Variants in SLC25A13 observed in about 807,000 individuals in gnomAD.
SLC25A13 encodes electrogenic aspartate/glutamate antiporter SLC25A13, mitochondrial.
SLC25A13 carries 70 observed loss-of-function variants against 85.5 expected under a neutral mutation model. That is an observed-to-expected ratio of 0.82 (90% CI 0.68 to 1.00). SLC25A13 has a LOEUF of 1.00. Ranked by LOEUF, SLC25A13 falls within the 50% of genes least tolerant of loss-of-function variation. SLC25A13 has a pLI of 0.00. For missense variants in SLC25A13, 765 were observed against 819.8 expected (o/e 0.93, Z 0.82); for synonymous variants, 259 against 288.7 (o/e 0.90, Z 1.04).
chr7:96,188,919 C>T (rs544136237), intron 9 of SLC25A13, among the ~76,000 whole-genome samples: 4 of 152,304 alleles, frequency 2.6e-5, no homozygotes, highest in South Asian at 2.1e-4. Context: ...AGAGCAAAGA[C>T]GGCTTTCATT....
At chr7:96,163,949 AG>A (rs1793631178) in intron 13 of SLC25A13, among the ~76,000 whole-genome samples, 1 of 152,188 alleles carries the variant, frequency 6.6e-6, no homozygotes, top group Non-Finnish European at 1.5e-5. Flanking sequence ...CCAGAAGAGG[AG>A]GAAGACTAGT....
chr7:96,132,817 A>G (rs932137556), intron 14 of SLC25A13, among the ~76,000 whole-genome samples: 1 of 152,202 alleles, frequency 6.6e-6, no homozygotes, highest in Non-Finnish European at 1.5e-5. Context: ...CAACAGATCT[A>G]GCCACACCCA....
At position 96,210,128 on chromosome 7, in the gene SLC25A13, G is replaced by A. The variant is rs530201099; in HGVS notation, c.329-1151C>T. ...AGTTTCCAGAAATTTTTAAAGCCTT[G>A]TCATGAAGAAACAGTAGTGCCACCA... On this transcript the variant is annotated intron_variant, in intron 4 of 17. Coordinates refer to ENST00000265631, the MANE Select transcript of SLC25A13 (RefSeq NM_014251.3). Among the ~76,000 whole-genome samples, 19 of 152,110 alleles carry A rather than the reference G, an allele frequency of 1.2e-4. No homozygotes were observed. In the South Asian group the frequency reaches 3.7e-3, roughly 30 times the overall value.
chr7:96,235,866 A>G (rs1324644450), intron 3 of SLC25A13, among the ~76,000 whole-genome samples: 1 of 152,242 alleles, frequency 6.6e-6, no homozygotes, highest in African/African-American at 2.4e-5. Flanking sequence ...ATGAGAGGCC[A>G]AGGACGTTTT....
At chr7:96,297,854 T>C (rs1343106555) in intron 1 of SLC25A13, among the ~76,000 whole-genome samples, 1 of 152,230 alleles carries the variant, frequency 6.6e-6, no homozygotes, top group Admixed American at 6.5e-5. Flanking sequence ...GCTGTGGTTA[T>C]CTTTGAAGAG....
intron 2 of SLC25A13, among the ~76,000 whole-genome samples, chr7:96,282,025 T>C (rs994527325): frequency 2.0e-5 from 3 of 152,170 alleles, no homozygotes; most frequent in Non-Finnish European, 2.9e-5. Context: ...TATATCCTTA[T>C]ATCCACCACA....
intron 2 of SLC25A13, among the ~76,000 whole-genome samples, chr7:96,291,438 C>A (rs529072315): frequency 6.6e-5 from 10 of 152,092 alleles, no homozygotes; most frequent in African/African-American, 2.4e-4. Context: ...CAGAGCAGAA[C>A]TGAAGGAGAT....
intron 13 of SLC25A13, among the ~76,000 whole-genome samples, chr7:96,160,146 T>C (rs1449528171): frequency 6.6e-6 from 1 of 152,226 alleles, no homozygotes. Context: ...GGCCCAGTCT[T>C]TCTTCAGATT....
chr7:96,201,735 T>C (rs1038238970), intron 5 of SLC25A13, among the ~76,000 whole-genome samples: 2 of 152,150 alleles, frequency 1.3e-5, no homozygotes, highest in African/African-American at 4.8e-5. Context: ...ATTCTAAAGC[T>C]AGAAAATTTG....
At chr7:96,250,897 A>C (rs182717069) in intron 3 of SLC25A13, among the ~76,000 whole-genome samples, 1 of 152,302 alleles carries the variant, frequency 6.6e-6, no homozygotes, top group African/African-American at 2.4e-5. Context: ...ATGGAACATT[A>C]TGTGTTCAAT....
chr7:96,190,573 G>A (rs1438881273), intron 7 of SLC25A13, among the ~76,000 whole-genome samples: 3 of 151,898 alleles, frequency 2.0e-5, no homozygotes, highest in African/African-American at 7.3e-5. Flanking sequence ...AACTTTACAT[G>A]TTTTCCTTAT....
chr7:96,187,569 T>C (rs996570054), intron 9 of SLC25A13, among the ~76,000 whole-genome samples: 3 of 152,158 alleles, frequency 2.0e-5, no homozygotes, highest in East Asian at 1.9e-4. Context: ...CTTAGAAATG[T>C]TCTGGCATCA....
chr7:96,172,162 C>T (rs970502196), intron 11 of SLC25A13, among the ~76,000 whole-genome samples: 4 of 152,204 alleles, frequency 2.6e-5, no homozygotes, highest in Non-Finnish European at 5.9e-5. Flanking sequence ...CCTAAAGGAG[C>T]AGCCTGAGAG....
At chr7:96,199,162 G>A (rs1361872850) in intron 5 of SLC25A13, among the ~76,000 whole-genome samples, 1 of 152,162 alleles carries the variant, frequency 6.6e-6, no homozygotes, top group African/African-American at 2.4e-5. Context: ...GAAAAATGAG[G>A]TAAGAATGAG....
intron 3 of SLC25A13, among the ~76,000 whole-genome samples, chr7:96,266,798 A>G (rs1798055795): frequency 6.6e-6 from 1 of 152,166 alleles, no homozygotes; most frequent in African/African-American, 2.4e-5. Context: ...GTAATGCAAA[A>G]AGAAAGGGGG....
At chr7:96,252,265 C>T (rs767523306) in intron 3 of SLC25A13, among the ~76,000 whole-genome samples, 1 of 152,098 alleles carries the variant, frequency 6.6e-6, no homozygotes, top group Non-Finnish European at 1.5e-5. Flanking sequence ...ACTGACGATA[C>T]ATATACTGAT....
intron 1 of SLC25A13, among the ~76,000 whole-genome samples, chr7:96,310,705 C>T (rs1002452289): frequency 6.6e-5 from 10 of 152,184 alleles, no homozygotes; most frequent in African/African-American, 2.4e-4. Flanking sequence ...TCTAGCATAG[C>T]TTCTACCTTT....
chr7:96,229,311 T>G (rs149142294), intron 4 of SLC25A13, among the ~76,000 whole-genome samples: 438 of 152,216 alleles, frequency 2.9e-3, no homozygotes, highest in African/African-American at 9.8e-3. Flanking sequence ...AATGCACCAA[T>G]CAGCACTCTG....
At chr7:96,229,339 G>A (rs1325039240) in intron 4 of SLC25A13, among the ~76,000 whole-genome samples, 2 of 152,200 alleles carry the variant, frequency 1.3e-5, no homozygotes, top group African/African-American at 4.8e-5. Context: ...CTCAGGGATT[G>A]TAAATGCACC....
Sources: gnomAD v4.1 joint callset for allele counts (sites outside exome capture counted in the v4.1 genomes callset) on GRCh38, gnomAD v4.1.1 for gene constraint, MANE v1.5 for transcripts, NCBI Gene and HGNC (gene_info 2026-07-23, HGNC 2026-07-21) for gene names.